THSD7B: variants seen among roughly 807,000 people sequenced by gnomAD.
The protein encoded by THSD7B is thrombospondin type 1 domain containing 7B, also known as thrombospondin type-1 domain-containing protein 7B.
In THSD7B, 138 loss-of-function variants were observed where a neutral mutation model predicts 213.6. The observed-to-expected ratio is 0.65, with a 90% CI of 0.56 to 0.74. The LOEUF (loss-of-function observed/expected upper bound fraction) is 0.74. THSD7B is among the 30% of genes least tolerant of loss of function. THSD7B has a pLI of 0.00. For missense variants in THSD7B, 1,931 were observed against 1,991.5 expected (o/e 0.97, Z 0.58); for synonymous variants, 742 against 687.0 (o/e 1.08, Z -1.25).
intron 2 of THSD7B, among the ~76,000 whole-genome samples, chr2:136,974,609 T>C (rs1355714407): frequency 6.6e-6 from 1 of 152,194 alleles, no homozygotes; most frequent in East Asian, 1.9e-4. Flanking sequence ...TTCGTGGGCA[T>C]ATGGGGTGAT....
intron 12 of THSD7B, among the ~76,000 whole-genome samples, chr2:137,276,267 C>T (rs1411139409): frequency 2.8e-5 from 4 of 143,618 alleles, no homozygotes; most frequent in African/African-American, 5.2e-5. Flanking sequence ...TATCTGTTCT[C>T]GGTCATAGTG....
chr2:137,562,971 G>A (rs1053669633), intron 15 of THSD7B, among the ~76,000 whole-genome samples: 1 of 152,100 alleles, frequency 6.6e-6, no homozygotes, highest in Non-Finnish European at 1.5e-5. Flanking sequence ...ACTAGGAAAT[G>A]ACCGTCCTTT....
chr2:137,239,981 T>G (rs940014896), intron 9 of THSD7B, among the ~76,000 whole-genome samples: 1 of 152,186 alleles, frequency 6.6e-6, no homozygotes, highest in Non-Finnish European at 1.5e-5. Context: ...TGTCTCTTTT[T>G]GTAAGGGACA....
At chr2:137,074,454 C>G (rs1687572371) in intron 3 of THSD7B, among the ~76,000 whole-genome samples, 1 of 152,138 alleles carries the variant, frequency 6.6e-6, no homozygotes, top group Non-Finnish European at 1.5e-5. Context: ...CTTCCTCCAT[C>G]CCTTTATTTT....
At chr2:136,986,040 G>A (rs937990494) in intron 2 of THSD7B, among the ~76,000 whole-genome samples, 3 of 152,128 alleles carry the variant, frequency 2.0e-5, no homozygotes, top group Non-Finnish European at 4.4e-5. Flanking sequence ...AAATGAAAAT[G>A]GATACCTAAT....
intron 1 of THSD7B, among the ~76,000 whole-genome samples, chr2:136,839,764 A>T (rs1302369335): frequency 6.6e-6 from 1 of 151,822 alleles, no homozygotes; most frequent in Non-Finnish European, 1.5e-5. Flanking sequence ...GTGCTGCCTG[A>T]TGGTCATTTA....
At chr2:136,831,275 A>G (rs1402062909) in intron 1 of THSD7B, among the ~76,000 whole-genome samples, 1 of 152,158 alleles carries the variant, frequency 6.6e-6, no homozygotes, top group Non-Finnish European at 1.5e-5. Flanking sequence ...AAAATAACAT[A>G]CATATTTAGT....
At chr2:137,635,750 G>A (rs1682820909) in intron 20 of THSD7B, among the ~76,000 whole-genome samples, 1 of 151,422 alleles carries the variant, frequency 6.6e-6, no homozygotes, top group South Asian at 2.1e-4. Context: ...GGAGTCACAG[G>A]CTACAGTGCA....
intron 10 of THSD7B, among the ~76,000 whole-genome samples, chr2:137,270,280 G>A (rs1276939407): frequency 1.3e-5 from 2 of 151,950 alleles, no homozygotes; most frequent in African/African-American, 4.8e-5. Context: ...CCAAACAGAA[G>A]CCAATAAGCC....
intron 3 of THSD7B, among the ~76,000 whole-genome samples, chr2:137,069,716 AC>A (rs1433700009): frequency 1.3e-5 from 2 of 151,984 alleles, no homozygotes; most frequent in Non-Finnish European, 2.9e-5. Context: ...TTTAAATTTT[AC>A]ATTGCTATTC....
At chr2:137,360,224 A>G (rs1685222812) in intron 12 of THSD7B, among the ~76,000 whole-genome samples, 1 of 152,216 alleles carries the variant, frequency 6.6e-6, no homozygotes, top group African/African-American at 2.4e-5. Context: ...GAAGAGGTTT[A>G]GAATTTTAAG....
chr2:137,587,737 T>C (rs1000940928), intron 17 of THSD7B, among the ~76,000 whole-genome samples: 1 of 152,230 alleles, frequency 6.6e-6, no homozygotes, highest in African/African-American at 2.4e-5. Flanking sequence ...GAGGTGTCAA[T>C]CTGCCCCTAC....
chr2:137,056,354 C>A, intron 2 of THSD7B, 66 bp from the exon 3 acceptor site: 1 of 1,495,462 alleles, frequency 6.7e-7, no homozygotes, highest in Non-Finnish European at 9.0e-7. Flanking sequence ...TAATTGACTT[C>A]TACTTACCTG....
At chr2:137,315,816 A>T (rs1281573452) in intron 12 of THSD7B, among the ~76,000 whole-genome samples, 1 of 152,146 alleles carries the variant, frequency 6.6e-6, no homozygotes, top group Non-Finnish European at 1.5e-5. Flanking sequence ...TGCCTGTTGT[A>T]ATTTCTCATG....
At chr2:137,446,473 C>T (rs1403721505) in intron 14 of THSD7B, among the ~76,000 whole-genome samples, 1 of 151,982 alleles carries the variant, frequency 6.6e-6, no homozygotes, top group Non-Finnish European at 1.5e-5. Context: ...CTGGTTGTAA[C>T]ATCGATAGGG....
intron 10 of THSD7B, among the ~76,000 whole-genome samples, chr2:137,263,437 A>G (rs1682499200): frequency 6.6e-6 from 1 of 152,184 alleles, no homozygotes. Context: ...CCAAGGTCAT[A>G]TAGCAATTCA....
intron 15 of THSD7B, among the ~76,000 whole-genome samples, chr2:137,480,701 T>C (rs1382413989): frequency 6.6e-6 from 1 of 152,246 alleles, no homozygotes; most frequent in Non-Finnish European, 1.5e-5. Flanking sequence ...TTTTCATTAG[T>C]GTTTGGAAGA....
intron 21 of THSD7B, 50 bp downstream of exon 21, chr2:137,642,683 C>A: frequency 6.3e-7 from 1 of 1,596,778 alleles, no homozygotes. Flanking sequence ...ATATTCGAAG[C>A]ACTTGTCTGG....
At chr2:137,380,558 T>C (rs1239687336) in intron 12 of THSD7B, among the ~76,000 whole-genome samples, 1 of 152,196 alleles carries the variant, frequency 6.6e-6, no homozygotes, top group South Asian at 2.1e-4. Context: ...GAAAGGGATG[T>C]GAAGACACTC....
Sources: allele counts gnomAD v4.1 joint callset (sites outside exome capture counted in the v4.1 genomes callset), GRCh38; gene constraint gnomAD v4.1.1; transcripts MANE v1.5; gene names NCBI Gene and HGNC (gene_info 2026-07-23, HGNC 2026-07-21).